Variants in MCC observed in about 807,000 individuals in gnomAD.
MCC encodes MCC regulator of Wnt signaling pathway.
A neutral mutation model predicts 116.2 loss-of-function variants in MCC; 90 were observed. That is an observed-to-expected ratio of 0.77 (90% CI 0.65 to 0.92). MCC has a LOEUF of 0.92. Ranked by LOEUF, MCC falls within the 40% of genes least tolerant of loss-of-function variation. MCC has a pLI of 0.00. For missense variants in MCC, 1,516 were observed against 1,312.2 expected, an observed-to-expected ratio of 1.16 and a Z score of -2.40; for synonymous variants, 578 against 510.5, an observed-to-expected ratio of 1.13 and a Z score of -1.78.
intron 3 of MCC, among the ~76,000 whole-genome samples, chr5:113,269,952 A>G (rs925228723): frequency 2.6e-5 from 4 of 152,218 alleles, no homozygotes; most frequent in Non-Finnish European, 5.9e-5. Flanking sequence ...CAATTTTGAA[A>G]CGGACATAAT....
At chr5:113,253,874 T>C (rs1764901601) in intron 3 of MCC, among the ~76,000 whole-genome samples, 1 of 152,030 alleles carries the variant, frequency 6.6e-6, no homozygotes, top group African/African-American at 2.4e-5. Flanking sequence ...AAAAATTCAT[T>C]AGAAAGGATG....
chr5:113,263,311 A>C (rs779163593), intron 3 of MCC, among the ~76,000 whole-genome samples: 2 of 152,208 alleles, frequency 1.3e-5, no homozygotes, highest in Admixed American at 6.6e-5. Flanking sequence ...AAGCCGAAGG[A>C]AGAAGGAGGA....
chr5:113,380,801 G>C (rs929089390), intron 2 of MCC, among the ~76,000 whole-genome samples: 3 of 152,186 alleles, frequency 2.0e-5, no homozygotes, highest in Non-Finnish European at 2.9e-5. Flanking sequence ...CCGGTTAAGT[G>C]CCTAGTAAAG....
At chr5:113,431,301 C>A (rs1195854536) in intron 1 of MCC, among the ~76,000 whole-genome samples, 3 of 151,994 alleles carry the variant, frequency 2.0e-5, no homozygotes, top group Admixed American at 6.6e-5. Flanking sequence ...GGGGCTTAGA[C>A]AAAAGAAAAG....
intron 1 of MCC, among the ~76,000 whole-genome samples, chr5:113,390,878 AC>A (rs1466307942): frequency 4.6e-5 from 7 of 152,218 alleles, no homozygotes; most frequent in African/African-American, 1.7e-4. Context: ...ACTACAAAAA[AC>A]ATCTAAAAAC....
At chr5:113,046,778 C>T (rs1010809565) in intron 16 of MCC, among the ~76,000 whole-genome samples, 1 of 149,932 alleles carries the variant, frequency 6.7e-6, no homozygotes, top group Non-Finnish European at 1.5e-5. Context: ...TCCATGTGAA[C>T]CCAGATACAG....
chr5:113,454,170 T>A (rs1471913156), intron 1 of MCC, among the ~76,000 whole-genome samples: 1 of 152,138 alleles, frequency 6.6e-6, no homozygotes, highest in Non-Finnish European at 1.5e-5. Context: ...AATCCTAAGA[T>A]CATAGCTCGA....
intron 1 of MCC, among the ~76,000 whole-genome samples, chr5:113,387,806 T>G (rs2150394421): frequency 6.6e-6 from 1 of 152,340 alleles, no homozygotes; most frequent in East Asian, 1.9e-4. Flanking sequence ...CTTAACATAG[T>G]TCCTGGCACA....
intron 3 of MCC, among the ~76,000 whole-genome samples, chr5:113,291,915 G>A (rs569244117): frequency 2.0e-5 from 3 of 152,046 alleles, no homozygotes; most frequent in Non-Finnish European, 4.4e-5. Context: ...TGAGATTTAG[G>A]GTCCACAAGG....
chr5:113,230,322 A>G (rs73244759), intron 3 of MCC, among the ~76,000 whole-genome samples: 15,351 of 152,260 alleles, frequency 0.1, 1,300 homozygotes, highest in Admixed American at 0.25. Context: ...CTTTTAGGTC[A>G]TACAATTTTA....
intron 17 of MCC, among the ~76,000 whole-genome samples, chr5:113,041,281 T>G (rs1751691346): frequency 6.6e-6 from 1 of 152,086 alleles, no homozygotes; most frequent in Admixed American, 6.5e-5. Context: ...TGACTGAAAA[T>G]ACACTGTACC....
At chr5:113,431,279 A>G (rs1165713727) in intron 1 of MCC, among the ~76,000 whole-genome samples, 1 of 152,144 alleles carries the variant, frequency 6.6e-6, no homozygotes, top group Admixed American at 6.5e-5. Context: ...ATGACAAAGT[A>G]CCACAAACTG....
intron 1 of MCC, among the ~76,000 whole-genome samples, chr5:113,410,095 C>T (rs956623909): frequency 2.2e-4 from 33 of 152,234 alleles, no homozygotes; most frequent in African/African-American, 6.5e-4. Context: ...TCTCTGTCTC[C>T]GTATAACTTC....
chr5:113,376,823 T>C (rs1044906840), intron 2 of MCC, among the ~76,000 whole-genome samples: 3 of 152,094 alleles, frequency 2.0e-5, no homozygotes, highest in African/African-American at 7.2e-5. Context: ...TACCCTAATT[T>C]CTCAAGCTGA....
At chr5:113,071,918 G>C (rs1010929335) in intron 11 of MCC, among the ~76,000 whole-genome samples, 4 of 152,178 alleles carry the variant, frequency 2.6e-5, no homozygotes, top group African/African-American at 4.8e-5. Context: ...GCTGCTTTTG[G>C]GTTACACAGT....
In MCC at chr5:113,343,267, C is replaced by A. The variant is rs574153535; in HGVS notation, c.416-2537G>T. Among the ~76,000 whole-genome samples the A allele has an allele frequency of 3.3e-5, 5 of 152,280 alleles. No individual in the cohort carries two copies. The South Asian group carries it at 1.0e-3, about 32-fold the overall frequency. Reference sequence around the variant, plus strand: ...GGTCTAACCCAACATTCTTTTTATACAGTGCCTTTATAGCTGGGATGCATC... The same window carrying A: ...GGTCTAACCCAACATTCTTTTTATAAAGTGCCTTTATAGCTGGGATGCATC... On this transcript the variant is annotated intron_variant, in intron 2 of 18. Coordinates refer to ENST00000408903, the MANE Select transcript of MCC (RefSeq NM_001085377.2).
chr5:113,257,439 A>C (rs2150346751), intron 3 of MCC, among the ~76,000 whole-genome samples: 1 of 152,240 alleles, frequency 6.6e-6, no homozygotes, highest in African/African-American at 2.4e-5. Context: ...GACTCCAGGC[A>C]ATGAAAGCCA....
chr5:113,150,325 A>G (rs2150290678), intron 4 of MCC, among the ~76,000 whole-genome samples: 1 of 152,326 alleles, frequency 6.6e-6, no homozygotes, highest in African/African-American at 2.4e-5. Context: ...AATGAAAAAC[A>G]GAAAAATACT....
chr5:113,165,966 G>A (rs1760745583), intron 3 of MCC, among the ~76,000 whole-genome samples: 3 of 152,174 alleles, frequency 2.0e-5, no homozygotes, highest in African/African-American at 7.2e-5. Flanking sequence ...TTATTAAGAG[G>A]GGTGGGAGGG....
Sources: gnomAD v4.1 joint callset for allele counts (sites outside exome capture counted in the v4.1 genomes callset) on GRCh38, gnomAD v4.1.1 for gene constraint, MANE v1.5 for transcripts, NCBI Gene and HGNC (gene_info 2026-07-23, HGNC 2026-07-21) for gene names.